COBLL1: variants seen among roughly 807,000 people sequenced by gnomAD.
COBLL1 encodes cordon-bleu WH2 repeat protein like 1.
Under a neutral mutation model 94.8 loss-of-function variants are expected in COBLL1, and 50 were observed. The observed-to-expected ratio is 0.53, with a 90% CI of 0.42 to 0.67. The LOEUF (loss-of-function observed/expected upper bound fraction) is 0.67. Ranked by LOEUF, COBLL1 falls within the 30% of genes least tolerant of loss-of-function variation. The pLI is 0.00. For synonymous variants in COBLL1, 448 were observed against 473.8 expected (o/e 0.95, Z 0.71); for missense variants, 1,362 against 1,348.7 (o/e 1.01, Z -0.15).
intron 2 of COBLL1, among the ~76,000 whole-genome samples, chr2:164,836,246 A>G (rs1011219646): frequency 1.3e-5 from 2 of 152,190 alleles, no homozygotes; most frequent in African/African-American, 2.4e-5. Flanking sequence ...CCAGTTTACT[A>G]TGAGTTAAAT....
At chr2:164,705,757 A>C (rs535725012) in intron 7 of COBLL1, among the ~76,000 whole-genome samples, 34 of 152,172 alleles carry the variant, frequency 2.2e-4, no homozygotes, top group Non-Finnish European at 4.7e-4. Context: ...CAGGTGGCTC[A>C]CACCTGTAAT....
At chr2:164,725,906 G>A (rs1685703723) in intron 5 of COBLL1, among the ~76,000 whole-genome samples, 1 of 152,106 alleles carries the variant, frequency 6.6e-6, no homozygotes. Flanking sequence ...TTTCTAGAAG[G>A]CAGGCTAAAT....
intron 3 of COBLL1, among the ~76,000 whole-genome samples, chr2:164,732,272 A>G (rs113076338): frequency 3.7e-4 from 57 of 152,344 alleles, no homozygotes; most frequent in African/African-American, 1.3e-3. Flanking sequence ...ATAATATTTA[A>G]GAGTTTTACA....
chr2:164,797,852 T>C (rs1683549701), intron 2 of COBLL1, among the ~76,000 whole-genome samples: 2 of 152,196 alleles, frequency 1.3e-5, no homozygotes, highest in Admixed American at 6.5e-5. Flanking sequence ...GAACAAGTAA[T>C]AGCAGATACA....
intron 2 of COBLL1, among the ~76,000 whole-genome samples, chr2:164,792,104 ATTCT>A: frequency 6.6e-6 from 1 of 151,432 alleles, no homozygotes; most frequent in East Asian, 1.9e-4. Context: ...CTTTCTTTCT[ATTCT>A]TTATTTATTT....
At chr2:164,824,082 C>G (rs556599044) in intron 2 of COBLL1, among the ~76,000 whole-genome samples, 3 of 152,226 alleles carry the variant, frequency 2.0e-5, no homozygotes, top group African/African-American at 7.2e-5. Context: ...AAGCCTAAAT[C>G]CTTATTAAAT....
chr2:164,682,708 A>G lies in COBLL1; in HGVS notation c.*3238T>C, dbSNP rs1367090220. ...AAAAGATGAATTGCCTGCCGTTTTT[A>G]AAATAAGGTTCATTTTTATTCATAT... On this transcript the variant is annotated 3_prime_UTR_variant, in exon 14 of 14. Transcript: ENST00000652658. 2 of 152,142 alleles carry G rather than the reference A, an allele frequency of 1.3e-5. No individual in the cohort carries two copies. Among genetic ancestry groups the G allele is most frequent in the Non-Finnish European group, 1.5e-5 (1 of 68,020 alleles). The allele number at this position is 152,142 out of a possible 1,614,324, so 9.4% of individuals were successfully genotyped here. A position where few individuals can be genotyped will look rare whatever the true frequency, so the allele number is the denominator to read the frequency against.
chr2:164,785,708 C>T (rs1574584706), intron 2 of COBLL1, among the ~76,000 whole-genome samples: 1 of 152,108 alleles, frequency 6.6e-6, no homozygotes, highest in East Asian at 1.9e-4. Context: ...TACCAATATT[C>T]CAGTCATCAT....
chr2:164,767,388 C>A (rs927213771), intron 2 of COBLL1, among the ~76,000 whole-genome samples: 1 of 152,106 alleles, frequency 6.6e-6, no homozygotes, highest in African/African-American at 2.4e-5. Flanking sequence ...ACAAAATTCT[C>A]TAATATTTCT....
At chr2:164,792,596 C>G (rs961950813) in intron 2 of COBLL1, among the ~76,000 whole-genome samples, 1 of 152,146 alleles carries the variant, frequency 6.6e-6, no homozygotes, top group African/African-American at 2.4e-5. Context: ...AACCTCCAAG[C>G]CTTAATTTCC....
intron 2 of COBLL1, among the ~76,000 whole-genome samples, chr2:164,796,276 C>T (rs536605565): frequency 6.6e-6 from 1 of 152,170 alleles, no homozygotes; most frequent in South Asian, 2.1e-4. Flanking sequence ...GGACAAAGTA[C>T]CTGTACATGT....
At chr2:164,690,353 GA>G (rs1463152000) in intron 13 of COBLL1, among the ~76,000 whole-genome samples, 1 of 152,096 alleles carries the variant, frequency 6.6e-6, no homozygotes, top group Non-Finnish European at 1.5e-5. Flanking sequence ...CACTGAAAGA[GA>G]AAATTTTAGA....
chr2:164,699,579 A>G, intron 10 of COBLL1, 80 bp from the exon 11 acceptor site: 2 of 746,152 alleles, frequency 2.7e-6, no homozygotes, highest in South Asian at 3.5e-5. Context: ...ACACACACAC[A>G]CAATGAGAAA....
intron 2 of COBLL1, among the ~76,000 whole-genome samples, chr2:164,812,412 TA>T (rs1404219587): frequency 1.3e-5 from 2 of 152,046 alleles, no homozygotes; most frequent in Admixed American, 6.6e-5. Context: ...TTTTATAAAC[TA>T]CTTAGTTCCT....
chr2:164,739,329 C>T (rs748373577), intron 3 of COBLL1, among the ~76,000 whole-genome samples: 66 of 152,248 alleles, frequency 4.3e-4, no homozygotes, highest in Admixed American at 6.5e-4. Flanking sequence ...CAAACAAGTG[C>T]GTTCTTCTGA....
rs141234682 is a variant in COBLL1 at position 164,727,924 on chromosome 2, A to T, written c.661+45T>A. On this transcript the variant is annotated intron_variant, in intron 5 of 13. Coordinates refer to ENST00000652658, the MANE Select transcript of COBLL1 (RefSeq NM_001365672.2). ...CAAACACAATGCACAAACATATACAAATATACACATCCCACTAAATAAATA... is the reference window on the plus strand; with the variant it reads ...CAAACACAATGCACAAACATATACATATATACACATCCCACTAAATAAATA... 2,416 of 1,320,214 alleles carry T rather than the reference A, an allele frequency of 1.8e-3. 37 individuals carry two copies. In the Admixed American group the frequency reaches 0.023, roughly 12 times the overall value. The allele number at this position is 1,320,214 out of a possible 1,614,324, so 81.8% of individuals were successfully genotyped here.
At chr2:164,698,921 G>A (rs1684092317) in intron 11 of COBLL1, among the ~76,000 whole-genome samples, 1 of 151,916 alleles carries the variant, frequency 6.6e-6, no homozygotes, top group East Asian at 1.9e-4. Context: ...ATGAGGATGG[G>A]AACTGGGAAA....
chr2:164,664,423 T>C (rs1691120854), intron 2 of COBLL1, among the ~76,000 whole-genome samples: 1 of 152,210 alleles, frequency 6.6e-6, no homozygotes. Flanking sequence ...AAATGAAAAG[T>C]TCAATATTAT....
In COBLL1 at chr2:164,722,500, G is replaced by A; in HGVS notation, c.684C>T (p.Asn228=). The change falls in exon 6 of 14, where the codon AAC becomes AAT. Residue 228 remains asparagine (N), a synonymous_variant. Coordinates refer to ENST00000652658, the MANE Select transcript of COBLL1 (RefSeq NM_001365672.2). The stretch of plus-strand genomic sequence containing the variant: ...TTTCTTTCTCCTTCATAATATCTAG[G>A]TTTTGTGATATTTGGCAGGACTCTA... ...VNRESCQISQ[N]LDIMKEKENK... is the part of the protein sequence containing the mutation. 1.3e-6 allele frequency: 2 copies of A among 1,509,226 alleles called. No individual in the cohort carries two copies. The highest frequency in any genetic ancestry group is 2.3e-5 in the East Asian group (1 of 43,442). 93.5% of individuals were successfully genotyped at this position (1,509,226 alleles called of 1,614,324 possible). A position where few individuals can be genotyped will look rare whatever the true frequency, so the allele number is the denominator to read the frequency against.
Sources: gnomAD v4.1 joint callset for allele counts (sites outside exome capture counted in the v4.1 genomes callset) on GRCh38, gnomAD v4.1.1 for gene constraint, MANE v1.5 for transcripts, NCBI Gene and HGNC (gene_info 2026-07-23, HGNC 2026-07-21) for gene names.